The following HDAC9 variants were observed in gnomAD, a reference collection of about 807,000 sequenced individuals.
The protein encoded by HDAC9 is MEF-2 interacting transcription repressor (MITR) protein.
A neutral mutation model predicts 139.4 loss-of-function variants in HDAC9; 41 were observed. The ratio of observed to expected loss-of-function variants is 0.29; its 90% confidence interval spans 0.23 to 0.38. The LOEUF (loss-of-function observed/expected upper bound fraction) is 0.38, where lower values mean the gene tolerates loss of function less well. HDAC9 is among the 10% of genes least tolerant of loss of function. The probability of loss-of-function intolerance (pLI) is 1.00; values close to 1 mark genes in which losing one functional copy is unlikely to be tolerated. For synonymous variants in HDAC9, 517 were observed against 476.2 expected, an observed-to-expected ratio of 1.09 and a Z score of -1.12; for missense variants, 1,147 against 1,297.0, an observed-to-expected ratio of 0.88 and a Z score of 1.78.
intron 2 of HDAC9, among the ~76,000 whole-genome samples, chr7:18,266,070 C>G (rs887316610): frequency 7.2e-5 from 11 of 152,054 alleles, no homozygotes; most frequent in African/African-American, 2.4e-4. Flanking sequence ...TTTAACCATG[C>G]TTGATATTGC....
intron 2 of HDAC9, among the ~76,000 whole-genome samples, chr7:18,499,963 C>G (rs1304008783): frequency 6.6e-6 from 1 of 152,042 alleles, no homozygotes; most frequent in African/African-American, 2.4e-5. Flanking sequence ...TGAAATGTTC[C>G]TGTCATGTCA....
chr7:18,965,859 G>C (rs754205157), intron 24 of HDAC9, among the ~76,000 whole-genome samples: 2 of 152,202 alleles, frequency 1.3e-5, no homozygotes, highest in African/African-American at 2.4e-5. Flanking sequence ...GAATGGAAAT[G>C]AGGTTGTGTG....
At chr7:18,713,586 T>A (rs985731816) in intron 12 of HDAC9, among the ~76,000 whole-genome samples, 1 of 152,118 alleles carries the variant, frequency 6.6e-6, no homozygotes, top group Admixed American at 6.5e-5. Flanking sequence ...TTTAGAAAGA[T>A]TTGTCTTGTC....
rs151092611 is a variant in HDAC9 at position 18,919,395 on chromosome 7, A to T, written c.2804-16414A>T. On this transcript the variant is annotated intron_variant, in intron 22 of 25. Transcript: ENST00000686413. ...GAGAGCCAGGACACAAGTCCACTTA[A>T]GCAATCTTCCTAGAGAAGAAAAAAT... 3.4e-4 allele frequency among the ~76,000 whole-genome samples: 51 copies of T among 152,154 alleles called. No individual in the cohort carries two copies. The East Asian group carries it at 9.3e-3, about 28-fold the overall frequency.
At chr7:18,164,707 C>T (rs1157794600) in intron 2 of HDAC9, among the ~76,000 whole-genome samples, 1 of 152,146 alleles carries the variant, frequency 6.6e-6, no homozygotes, top group African/African-American at 2.4e-5. Flanking sequence ...AAAATGCCGC[C>T]GTCTTAATCA....
intron 1 of HDAC9, among the ~76,000 whole-genome samples, chr7:18,371,222 G>A (rs75773869): frequency 6.6e-6 from 1 of 152,024 alleles, no homozygotes; most frequent in Non-Finnish European, 1.5e-5. Context: ...CGATATGTAG[G>A]TGCACACTTT....
intron 1 of HDAC9, among the ~76,000 whole-genome samples, chr7:18,421,515 G>T (rs1789614799): frequency 6.6e-6 from 1 of 152,004 alleles, no homozygotes; most frequent in South Asian, 2.1e-4. Context: ...AGAAAAGAAA[G>T]AAATAGAATA....
chr7:18,433,269 A>G (rs551857883), intron 1 of HDAC9, among the ~76,000 whole-genome samples: 58 of 152,304 alleles, frequency 3.8e-4, no homozygotes, highest in Non-Finnish European at 7.2e-4. Flanking sequence ...ATCTGTGACA[A>G]ACCCATAGCC....
intron 1 of HDAC9, among the ~76,000 whole-genome samples, chr7:18,295,927 C>T (rs1185448955): frequency 6.6e-6 from 1 of 152,162 alleles, no homozygotes; most frequent in African/African-American, 2.4e-5. Flanking sequence ...ATGTCAATGG[C>T]TGAGAAACCT....
intron 21 of HDAC9, among the ~76,000 whole-genome samples, chr7:18,863,541 C>T (rs2129236405): frequency 6.6e-6 from 1 of 152,240 alleles, no homozygotes; most frequent in South Asian, 2.1e-4. Context: ...CCCAGGGAAG[C>T]CAAAAGATTG....
intron 12 of HDAC9, among the ~76,000 whole-genome samples, chr7:18,675,763 C>T (rs550731928): frequency 1.3e-5 from 2 of 152,048 alleles, no homozygotes; most frequent in East Asian, 1.9e-4. Context: ...AGTTGAGAAC[C>T]GTCTAGGGTT....
At chr7:18,332,221 G>T (rs1023292568) in intron 1 of HDAC9, among the ~76,000 whole-genome samples, 2 of 151,582 alleles carry the variant, frequency 1.3e-5, no homozygotes, top group South Asian at 4.1e-4. Flanking sequence ...TATTCTGGTA[G>T]AAATAAGGTA....
chr7:18,919,939 C>A (rs997486265), intron 22 of HDAC9, among the ~76,000 whole-genome samples: 2 of 152,080 alleles, frequency 1.3e-5, no homozygotes, highest in African/African-American at 4.8e-5. Flanking sequence ...ATGATGCCTC[C>A]AGCTTTGTTC....
intron 22 of HDAC9, among the ~76,000 whole-genome samples, chr7:18,881,699 A>T (rs1263673872): frequency 6.6e-6 from 1 of 152,116 alleles, no homozygotes; most frequent in African/African-American, 2.4e-5. Context: ...TTTAAATGTA[A>T]GTGTATTTCA....
At position 18,585,287 on chromosome 7, in the gene HDAC9, T is replaced by A. The variant is rs1282215657; in HGVS notation, c.29T>A (p.Val10Glu). Residue 10 changes from valine to glutamate, a missense_variant, in exon 3 of 26, where the codon GTG (valine) becomes GAG (glutamate). By Grantham distance (121) the Val-to-Glu change is moderately radical. Transcript: ENST00000686413. The stretch of plus-strand genomic sequence containing the variant: ...TTTTTTTCTGGTTCTTTAGTGGATG[T>A]GAAGTCAGAAGTTCCTGTGGGCCTG... The part of the protein sequence containing the change: MHSMISSVD[V>E]KSEVPVGLEP... 6.2e-7 allele frequency: 1 copy of A among 1,613,534 alleles called. No homozygotes were observed. Among genetic ancestry groups the A allele is most frequent in the Non-Finnish European group, 8.5e-7 (1 of 1,179,676 alleles).
intron 1 of HDAC9, among the ~76,000 whole-genome samples, chr7:18,359,902 C>G (rs1253436484): frequency 6.6e-6 from 1 of 152,208 alleles, no homozygotes; most frequent in African/African-American, 2.4e-5. Context: ...AGCCACCGTG[C>G]CTGGCCACTT....
chr7:18,160,539 A>C (rs1787556356), intron 1 of HDAC9, among the ~76,000 whole-genome samples: 1 of 152,194 alleles, frequency 6.6e-6, no homozygotes, highest in South Asian at 2.1e-4. Context: ...GGTTCTTATG[A>C]AAGTAATATC....
At chr7:18,572,620 T>C (rs1824679504) in intron 2 of HDAC9, among the ~76,000 whole-genome samples, 1 of 152,148 alleles carries the variant, frequency 6.6e-6, no homozygotes, top group Admixed American at 6.5e-5. Context: ...ACCTATATTT[T>C]CTATTTTAAA....
chr7:18,422,740 A>ATG (rs1789742597), intron 1 of HDAC9, among the ~76,000 whole-genome samples: 1 of 144,358 alleles, frequency 6.9e-6, no homozygotes, highest in African/African-American at 2.6e-5. Flanking sequence ...AGACACACAC[A>ATG]CGCGCACACA....
Sources: allele counts gnomAD v4.1 joint callset (sites outside exome capture counted in the v4.1 genomes callset), GRCh38; gene constraint gnomAD v4.1.1; transcripts MANE v1.5; gene names NCBI Gene and HGNC (gene_info 2026-07-23, HGNC 2026-07-21).